The following FAM227B variants were observed in gnomAD, a reference collection of about 807,000 sequenced individuals.
The protein encoded by FAM227B is family with sequence similarity 227 member B.
FAM227B carries 88 observed loss-of-function variants against 73.8 expected under a neutral mutation model. The observed-to-expected ratio is 1.19, with a 90% CI of 1.00 to 1.42. The LOEUF is 1.42. Ranked by LOEUF, FAM227B falls within the 40% of genes most tolerant of loss-of-function variation. The pLI is 0.00. For synonymous variants in FAM227B, 210 were observed against 190.5 expected, an observed-to-expected ratio of 1.10 and a Z score of -0.84; for missense variants, 632 against 590.9, an observed-to-expected ratio of 1.07 and a Z score of -0.72.
intron 8 of FAM227B, among the ~76,000 whole-genome samples, chr15:49,570,419 T>C (rs2075008555): frequency 6.6e-6 from 1 of 151,936 alleles, no homozygotes; most frequent in African/African-American, 2.4e-5. Context: ...GAGCAGTTTT[T>C]CAAATACTGT....
intron 11 of FAM227B, among the ~76,000 whole-genome samples, chr15:49,394,621 G>T (rs1250427834): frequency 2.0e-5 from 3 of 152,172 alleles, no homozygotes; most frequent in Non-Finnish European, 4.4e-5. Context: ...CAGGTGTGGA[G>T]AATTATCTTT....
At chr15:49,356,101 G>A (rs1236542104) in intron 13 of FAM227B, among the ~76,000 whole-genome samples, 3 of 152,134 alleles carry the variant, frequency 2.0e-5, no homozygotes, top group Non-Finnish European at 4.4e-5. Context: ...CACTAAACAT[G>A]GAAAGGAACA....
chr15:49,335,626 C>T, intron 13 of FAM227B, 130 bp from the exon 14 acceptor site: 1 of 582,732 alleles, frequency 1.7e-6, no homozygotes, highest in Non-Finnish European at 3.1e-6. Flanking sequence ...CAAGTATAAA[C>T]ATGAATATTA....
chr15:49,371,514 C>CAT, intron 11 of FAM227B, 115 bp from the exon 12 acceptor site: 1 of 534,360 alleles, frequency 1.9e-6, no homozygotes, highest in Non-Finnish European at 3.3e-6. Context: ...GAAAGGCAAA[C>CAT]ATGGATAAAG....
At chr15:49,615,336 C>G in intron 1 of FAM227B, 93 bp from the exon 2 acceptor site, 1 of 654,848 alleles carries the variant, frequency 1.5e-6, no homozygotes, top group Middle Eastern at 2.6e-4. Flanking sequence ...TGACTTTTAC[C>G]AAGTCAGATA....
At chr15:49,376,844 C>T (rs897429528) in intron 11 of FAM227B, among the ~76,000 whole-genome samples, 6 of 151,980 alleles carry the variant, frequency 3.9e-5, no homozygotes, top group South Asian at 2.1e-4. Context: ...TAATCTATTC[C>T]TAAGTATCTT....
Position 49,414,501 on chromosome 15 carries a change from G to A in FAM227B, c.1013-43102C>T, listed in dbSNP as rs546837009. On this transcript the variant is annotated intron_variant, in intron 11 of 15. Coordinates refer to ENST00000299338, the MANE Select transcript of FAM227B (RefSeq NM_152647.3). ...TAGAGGGCATTGGAAACAGTAGTCT[G>A]CATATTGGAAAAAGAAAAGTAGAGT... Among the ~76,000 whole-genome samples the A allele has an allele frequency of 2.6e-5, 4 of 152,260 alleles. No individual in the cohort carries two copies. The South Asian group carries it at 6.2e-4, about 24-fold the overall frequency.
At position 49,416,574 on chromosome 15, in the gene FAM227B, GT is replaced by G. The variant is rs558946894; in HGVS notation, c.1013-45176del. Among the ~76,000 whole-genome samples the G allele has an allele frequency of 3.6e-4, 55 of 152,196 alleles. No homozygotes were observed. In the South Asian group the frequency reaches 6.0e-3, roughly 17 times the overall value. On this transcript the variant is annotated intron_variant, in intron 11 of 15. Coordinates refer to ENST00000299338, the MANE Select transcript of FAM227B (RefSeq NM_152647.3). ...GGAAGAGAAGAAGTCAAACTACCCT[GT>G]TTGCAGATGACATGATTTTCTATGT...
chr15:49,339,960 C>T (rs2040416848), intron 13 of FAM227B, among the ~76,000 whole-genome samples: 1 of 152,100 alleles, frequency 6.6e-6, no homozygotes, highest in African/African-American at 2.4e-5. Context: ...TGGTGGACAC[C>T]CCTCCCCCCA....
intron 11 of FAM227B, among the ~76,000 whole-genome samples, chr15:49,479,644 G>C (rs2055735439): frequency 9.5e-6 from 1 of 104,714 alleles, no homozygotes; most frequent in Non-Finnish European, 1.7e-5. Flanking sequence ...ATGGAGTCTA[G>C]CTCTTGTTGT....
chr15:49,503,542 T>A (rs1372707669), intron 11 of FAM227B, among the ~76,000 whole-genome samples: 2 of 152,162 alleles, frequency 1.3e-5, no homozygotes, highest in African/African-American at 4.8e-5. Context: ...AAAGGGCTAA[T>A]ATCCAGACTC....
intron 3 of FAM227B, among the ~76,000 whole-genome samples, chr15:49,591,014 C>A (rs989581731): frequency 2.9e-5 from 3 of 103,288 alleles, no homozygotes; most frequent in Non-Finnish European, 6.4e-5. Flanking sequence ...TTTTCTTTCT[C>A]TTTCTCTTTT....
At chr15:49,429,497 G>C (rs1357306766) in intron 11 of FAM227B, among the ~76,000 whole-genome samples, 1 of 151,804 alleles carries the variant, frequency 6.6e-6, no homozygotes, top group East Asian at 1.9e-4. Flanking sequence ...TGACCCTTAT[G>C]ACTCAGCTGT....
At chr15:49,396,159 C>A (rs1028222675) in intron 11 of FAM227B, 6 of 353,792 alleles carry the variant, frequency 1.7e-5, no homozygotes, top group African/African-American at 1.1e-4. Flanking sequence ...CGAGCCGAAG[C>A]AGGGCGAGGC....
At chr15:49,553,590 G>A (rs1312963750) in intron 9 of FAM227B, among the ~76,000 whole-genome samples, 1 of 152,168 alleles carries the variant, frequency 6.6e-6, no homozygotes, top group Non-Finnish European at 1.5e-5. Context: ...AAAAACCTTA[G>A]AGCTGGCACT....
chr15:49,423,837 T>C (rs1042799198), intron 11 of FAM227B, among the ~76,000 whole-genome samples: 2 of 152,144 alleles, frequency 1.3e-5, no homozygotes, highest in African/African-American at 4.8e-5. Flanking sequence ...TCTCTACTCA[T>C]GCATAAATTT....
intron 5 of FAM227B, among the ~76,000 whole-genome samples, chr15:49,586,116 C>T (rs2076146831): frequency 6.6e-6 from 1 of 152,036 alleles, no homozygotes; most frequent in South Asian, 2.1e-4. Flanking sequence ...GGGCATGATG[C>T]TACTTAACTT....
intron 9 of FAM227B, among the ~76,000 whole-genome samples, chr15:49,559,780 C>CA (rs1185500472): frequency 6.6e-6 from 1 of 151,918 alleles, no homozygotes; most frequent in Admixed American, 6.5e-5. Flanking sequence ...ACTAAAAATA[C>CA]AAAAATTAGC....
intron 11 of FAM227B, among the ~76,000 whole-genome samples, chr15:49,425,746 T>A (rs1239095523): frequency 6.6e-6 from 1 of 151,852 alleles, no homozygotes; most frequent in African/African-American, 2.4e-5. Context: ...ACCTTCTTTT[T>A]AACCATAATT....
Sources: gnomAD v4.1 joint callset for allele counts (sites outside exome capture counted in the v4.1 genomes callset) on GRCh38, gnomAD v4.1.1 for gene constraint, MANE v1.5 for transcripts, NCBI Gene and HGNC (gene_info 2026-07-23, HGNC 2026-07-21) for gene names.